Variants in SDK1 observed in about 807,000 individuals in gnomAD.
SDK1 encodes sidekick cell adhesion molecule 1, also known as protein sidekick-1.
Under a neutral mutation model 245.5 loss-of-function variants are expected in SDK1, and 157 were observed. That is an observed-to-expected ratio of 0.64 (90% CI 0.56 to 0.73). The LOEUF (loss-of-function observed/expected upper bound fraction) is 0.73, where lower values mean the gene tolerates loss of function less well. Among genes scored for constraint, SDK1 ranks in the 30% least tolerant of loss-of-function variants. SDK1 has a pLI of 0.00. For synonymous variants in SDK1, 1,647 were observed against 1,278.5 expected (o/e 1.29, Z -6.15); for missense variants, 3,583 against 3,002.3 (o/e 1.19, Z -4.52).
rs1224257663 is a variant in SDK1 at position 4,120,433 on chromosome 7, C to G, written c.3823+6159C>G. On this transcript the variant is annotated intron_variant, in intron 25 of 44. Transcript: ENST00000404826. ...GACTGAGGTGACTATTCAGGAACAA[C>G]AGAGGCCAGAAGACAATGGGATAAT... 1.3e-5 allele frequency among the ~76,000 whole-genome samples: 2 copies of G among 148,722 alleles called. 1 individual carries two copies. The highest frequency in any genetic ancestry group is 4.9e-5 in the African/African-American group (2 of 40,700).
intron 14 of SDK1, among the ~76,000 whole-genome samples, chr7:3,996,983 T>G (rs1784734615): frequency 6.6e-6 from 1 of 152,132 alleles, no homozygotes; most frequent in African/African-American, 2.4e-5. Context: ...GCAGGGAGCT[T>G]AAGGGAGTTT....
At chr7:3,878,565 C>T (rs73312078) in intron 5 of SDK1, among the ~76,000 whole-genome samples, 1,890 of 152,212 alleles carry the variant, frequency 0.012, 33 homozygotes, top group African/African-American at 0.038. Context: ...GGCTTTTTAA[C>T]CACAAACGAA....
At chr7:4,139,445 ATATG>A (rs1440443625) in intron 28 of SDK1, among the ~76,000 whole-genome samples, 4 of 67,820 alleles carry the variant, frequency 5.9e-5, no homozygotes, top group East Asian at 2.1e-3. Context: ...ATGTGTGTGT[ATATG>A]TGTGTGTATA....
chr7:3,443,329 T>C lies in SDK1; in HGVS notation c.298+141445T>C, dbSNP rs112620512. On this transcript the variant is annotated intron_variant, in intron 1 of 44. Transcript: ENST00000404826. ...TAGAATAGGAATAAGGTAAAAATACTCAACAGAGATAATGGTAGCTTGCAA... is the reference window on the plus strand; with the variant it reads ...TAGAATAGGAATAAGGTAAAAATACCCAACAGAGATAATGGTAGCTTGCAA... 3.0e-3 allele frequency among the ~76,000 whole-genome samples: 463 copies of C among 152,302 alleles called. 2 individuals are homozygous for C. The highest frequency in any genetic ancestry group is 4.7e-3 in the Non-Finnish European group (320 of 68,022).
chr7:4,014,237 C>G (rs1030390318), intron 16 of SDK1, among the ~76,000 whole-genome samples: 1 of 152,186 alleles, frequency 6.6e-6, no homozygotes, highest in Non-Finnish European at 1.5e-5. Context: ...ATAATAAAAC[C>G]TCTCTGATGT....
chr7:4,175,896 C>A, intron 34 of SDK1, 62 bp downstream of exon 34: 1 of 1,481,252 alleles, frequency 6.8e-7, no homozygotes, highest in Non-Finnish European at 9.4e-7. Flanking sequence ...CCAGAGCCAG[C>A]TGGTCTCTCA....
intron 38 of SDK1, among the ~76,000 whole-genome samples, chr7:4,217,554 CGG>C (rs2128230653): frequency 2.1e-5 from 3 of 141,896 alleles, no homozygotes; most frequent in Non-Finnish European, 4.6e-5. Flanking sequence ...CCAGGCCACC[CGG>C]AGAACCACAC....
intron 42 of SDK1, 44 bp downstream of exon 42, chr7:4,237,828 A>G (rs773001281): frequency 7.5e-6 from 12 of 1,609,802 alleles, no homozygotes; most frequent in Non-Finnish European, 1.0e-5. Context: ...GATGCCACTC[A>G]GCCAAAACAT....
At chr7:4,005,999 G>A (rs368846886) in intron 14 of SDK1, among the ~76,000 whole-genome samples, 22 of 152,294 alleles carry the variant, frequency 1.4e-4, no homozygotes, top group South Asian at 6.2e-4. Flanking sequence ...ACCCAGGAGC[G>A]GAGGTTGCAG....
At chr7:3,530,958 T>C (rs1487946216) in intron 1 of SDK1, among the ~76,000 whole-genome samples, 1 of 152,230 alleles carries the variant, frequency 6.6e-6, no homozygotes, top group Non-Finnish European at 1.5e-5. Context: ...GTATAGTTGA[T>C]AACGTCTGTT....
At chr7:3,560,681 C>G (rs1035328691) in intron 1 of SDK1, among the ~76,000 whole-genome samples, 1 of 152,136 alleles carries the variant, frequency 6.6e-6, no homozygotes, top group Non-Finnish European at 1.5e-5. Flanking sequence ...TCTCAGCACT[C>G]TCCAGTGGCC....
chr7:3,479,558 G>T (rs1448641923), intron 1 of SDK1, among the ~76,000 whole-genome samples: 1 of 151,684 alleles, frequency 6.6e-6, no homozygotes, highest in African/African-American at 2.4e-5. Flanking sequence ...CAATTAGTGA[G>T]ATATGTTAAA....
chr7:3,342,607 A>AG (rs1554259610), intron 1 of SDK1, among the ~76,000 whole-genome samples: 1 of 152,144 alleles, frequency 6.6e-6, no homozygotes. Context: ...GAAAAAAAAA[A>AG]GGAAGTCTTC....
intron 4 of SDK1, among the ~76,000 whole-genome samples, chr7:3,803,689 T>A (rs1488873758): frequency 2.0e-5 from 3 of 152,036 alleles, no homozygotes; most frequent in Non-Finnish European, 4.4e-5. Context: ...TATGTATGCT[T>A]TATCAAATTT....
chr7:4,265,966 C>A lies in SDK1; in HGVS notation c.*582C>A, dbSNP rs996431962. On this transcript the variant is annotated 3_prime_UTR_variant, in exon 45 of 45. Coordinates refer to ENST00000404826, the MANE Select transcript of SDK1 (RefSeq NM_152744.4). ...ACTTGGCAGTGTCTAGTCAAGGAGT[C>A]GGCTTTCAGGTTCCTGACGGCCAGG... The A allele has an allele frequency of 2.0e-6, 2 of 985,606 alleles. No homozygotes were observed. Among genetic ancestry groups the A allele is most frequent in the Non-Finnish European group, 2.4e-6 (2 of 830,042 alleles). The allele number at this position is 985,606 out of a possible 1,614,324, so 61.1% of individuals were successfully genotyped here. A position where few individuals can be genotyped will look rare whatever the true frequency, so the allele number is the denominator to read the frequency against.
intron 1 of SDK1, among the ~76,000 whole-genome samples, chr7:3,547,136 CTAA>C (rs1779250354): frequency 6.6e-6 from 1 of 151,936 alleles, no homozygotes; most frequent in African/African-American, 2.4e-5. Flanking sequence ...TGATTTAACC[CTAA>C]TGTTTTAAAA....
intron 4 of SDK1, among the ~76,000 whole-genome samples, chr7:3,773,511 C>T (rs943339642): frequency 6.6e-6 from 1 of 152,040 alleles, no homozygotes; most frequent in African/African-American, 2.4e-5. Context: ...AGTCTCTGTC[C>T]AGTATATTAG....
intron 4 of SDK1, among the ~76,000 whole-genome samples, chr7:3,699,214 T>C (rs1784670236): frequency 6.6e-6 from 1 of 152,246 alleles, no homozygotes; most frequent in Admixed American, 6.5e-5. Context: ...TCCAGGTTTC[T>C]AGTGAAAATC....
At chr7:3,649,774 G>A (rs1449686804) in intron 4 of SDK1, among the ~76,000 whole-genome samples, 1 of 152,104 alleles carries the variant, frequency 6.6e-6, no homozygotes, top group East Asian at 1.9e-4. Flanking sequence ...AGTCCACACC[G>A]TTCCACCGTG....
Sources: allele counts gnomAD v4.1 joint callset (sites outside exome capture counted in the v4.1 genomes callset), GRCh38; gene constraint gnomAD v4.1.1; transcripts MANE v1.5; gene names NCBI Gene and HGNC (gene_info 2026-07-23, HGNC 2026-07-21).